HSD17B4: variants seen among roughly 807,000 people sequenced by gnomAD.
HSD17B4 encodes hydroxysteroid 17-beta dehydrogenase 4.
A neutral mutation model predicts 101.0 loss-of-function variants in HSD17B4; 70 were observed. The observed-to-expected ratio is 0.69, with a 90% CI of 0.57 to 0.85. HSD17B4 has a LOEUF of 0.85. HSD17B4 is among the 40% of genes least tolerant of loss of function. The probability of loss-of-function intolerance (pLI) is 0.00; values close to 1 mark genes in which losing one functional copy is unlikely to be tolerated. For synonymous variants in HSD17B4, 347 were observed against 297.1 expected (o/e 1.17, Z -1.73); for missense variants, 984 against 892.4 (o/e 1.10, Z -1.31).
At position 119,489,286 on chromosome 5, in the gene HSD17B4, A is replaced by G. The variant is rs368418984; in HGVS notation, c.714+3A>G. The G allele has an allele frequency of 5.0e-6, 8 of 1,597,062 alleles. No individual in the cohort carries two copies. The African/African-American group carries it at 5.4e-5, about 11-fold the overall frequency. On this transcript the variant is annotated splice_donor_region_variant and intron_variant, in intron 9 of 23. Transcript: ENST00000510025. ...AGGAGAATGGTGGCTTGTTTGAGGT[A>G]TTTGCACCTTCCTGTTTTCTCTTAT... is the stretch of plus-strand genomic sequence containing the variant.
chr5:119,484,361 A>G (rs1321974704), intron 8 of HSD17B4, among the ~76,000 whole-genome samples: 1 of 152,088 alleles, frequency 6.6e-6, no homozygotes, highest in Non-Finnish European at 1.5e-5. Flanking sequence ...GTTCTATTCC[A>G]TTGATCTGTG....
intron 2 of HSD17B4, among the ~76,000 whole-genome samples, chr5:119,470,744 T>C (rs1756283978): frequency 6.6e-6 from 1 of 152,210 alleles, no homozygotes; most frequent in Admixed American, 6.5e-5. Flanking sequence ...GTGCTGTTAT[T>C]TGTTGTTTTG....
At chr5:119,507,611 G>A (rs112645931) in intron 15 of HSD17B4, among the ~76,000 whole-genome samples, 19,582 of 151,298 alleles carry the variant, frequency 0.13, 2,041 homozygotes, top group African/African-American at 0.29. Context: ...GTGAAACCCC[G>A]TCTCTACTTA....
At chr5:119,475,784 T>C (rs1180382271) in intron 5 of HSD17B4, 40 bp from the exon 6 acceptor site, 1 of 1,578,122 alleles carries the variant, frequency 6.3e-7, no homozygotes, top group South Asian at 1.1e-5. Flanking sequence ...AAAAAGTATA[T>C]ACTTTCCTCC....
chr5:119,482,711 A>C (rs1424073246), intron 8 of HSD17B4, among the ~76,000 whole-genome samples: 1 of 151,842 alleles, frequency 6.6e-6, no homozygotes, highest in East Asian at 1.9e-4. Flanking sequence ...GAGTTTCCTT[A>C]GAAACTCTTT....
chr5:119,496,779 A>G, intron 12 of HSD17B4, 133 bp downstream of exon 12: 1 of 760,062 alleles, frequency 1.3e-6, no homozygotes, highest in Admixed American at 1.8e-5. Context: ...AGTCTCTAAT[A>G]ATGGAGAGAA....
chr5:119,537,938 A>G (rs1380904645), intron 23 of HSD17B4, among the ~76,000 whole-genome samples: 1 of 152,140 alleles, frequency 6.6e-6, no homozygotes, highest in African/African-American at 2.4e-5. Flanking sequence ...AGGTACCTGA[A>G]ATGCCTGACA....
intron 1 of HSD17B4, among the ~76,000 whole-genome samples, chr5:119,453,268 C>T (rs1361216791): frequency 6.6e-6 from 1 of 152,048 alleles, no homozygotes; most frequent in Non-Finnish European, 1.5e-5. Context: ...AGGGGTCAGG[C>T]GTATGATGGA....
chr5:119,519,395 A>G (rs897979429), intron 17 of HSD17B4, among the ~76,000 whole-genome samples: 2 of 152,230 alleles, frequency 1.3e-5, no homozygotes, highest in Admixed American at 6.5e-5. Flanking sequence ...CCAGTAAAAT[A>G]TAATTCTTTA....
intron 2 of HSD17B4, among the ~76,000 whole-genome samples, chr5:119,462,708 ATTTTC>A (rs1024963876): frequency 2.0e-5 from 3 of 151,892 alleles, no homozygotes; most frequent in African/African-American, 7.3e-5. Flanking sequence ...TGTACCAATG[ATTTTC>A]TTTTCTTATT....
chr5:119,471,415 TA>T (rs1465241165), intron 2 of HSD17B4, among the ~76,000 whole-genome samples: 8 of 152,146 alleles, frequency 5.3e-5, no homozygotes, highest in Non-Finnish European at 1.0e-4. Context: ...TAAGTGAAAA[TA>T]TATATGCCTT....
At position 119,527,116 on chromosome 5, in the gene HSD17B4, A is replaced by C. The variant is rs756058299; in HGVS notation, c.1681-17A>C. 12 of 1,487,098 alleles carry C rather than the reference A, an allele frequency of 8.1e-6. No homozygotes were observed. The highest frequency in any genetic ancestry group is 1.0e-5 in the Non-Finnish European group (11 of 1,065,088). 92.1% of individuals were successfully genotyped at this position (1,487,098 alleles called of 1,614,324 possible). A position where few individuals can be genotyped will look rare whatever the true frequency, so the allele number is the denominator to read the frequency against. On this transcript the variant is annotated splice_polypyrimidine_tract_variant and intron_variant, in intron 19 of 23. Transcript: ENST00000510025. ...TTCCTTTTAAAACATTTTTAACCCC[A>C]CAATTCTTTTTTAAAGGCTCGTTTT... is the stretch of plus-strand genomic sequence containing the variant.
chr5:119,505,734 AT>A (rs527906126), intron 14 of HSD17B4, among the ~76,000 whole-genome samples: 496 of 144,488 alleles, frequency 3.4e-3, no homozygotes, highest in African/African-American at 3.6e-3. Flanking sequence ...ATGTCTTAAC[AT>A]TTTTTTTTTT....
intron 1 of HSD17B4, chr5:119,452,899 C>T: frequency 6.6e-7 from 1 of 1,506,350 alleles, no homozygotes; most frequent in Non-Finnish European, 8.9e-7. Flanking sequence ...GGCTGGGCTG[C>T]TGATTGCAAA....
At chr5:119,502,571 A>G (rs1290894212) in intron 14 of HSD17B4, among the ~76,000 whole-genome samples, 6 of 151,834 alleles carry the variant, frequency 4.0e-5, no homozygotes, top group East Asian at 1.9e-4. Context: ...AAAATATCTT[A>G]CTTGTTTAGT....
intron 11 of HSD17B4, among the ~76,000 whole-genome samples, chr5:119,494,572 A>T (rs905094346): frequency 6.6e-6 from 1 of 152,060 alleles, no homozygotes; most frequent in African/African-American, 2.4e-5. Context: ...CAAGCCCCAG[A>T]TGTTCAACAA....
At chr5:119,461,914 T>C (rs1755281398) in intron 2 of HSD17B4, among the ~76,000 whole-genome samples, 1 of 152,136 alleles carries the variant, frequency 6.6e-6, no homozygotes, top group Non-Finnish European at 1.5e-5. Context: ...CCAATATTCG[T>C]ACATTCCCAA....
chr5:119,536,093 A>G (rs1349760805), intron 22 of HSD17B4: 5 of 287,388 alleles, frequency 1.7e-5, no homozygotes, highest in Non-Finnish European at 3.3e-5. Context: ...AATGAATACA[A>G]TCTCTTTCTT....
At chr5:119,489,048 G>T (rs529709464) in intron 8 of HSD17B4, 144 bp from the exon 9 acceptor site, 5 of 606,200 alleles carry the variant, frequency 8.2e-6, no homozygotes, top group African/African-American at 1.9e-5. Flanking sequence ...AAAGTTCTTC[G>T]CAAAGACTTA....
Sources: allele counts gnomAD v4.1 joint callset (sites outside exome capture counted in the v4.1 genomes callset), GRCh38; gene constraint gnomAD v4.1.1; transcripts MANE v1.5; gene names NCBI Gene and HGNC (gene_info 2026-07-23, HGNC 2026-07-21).